ICE1: variants seen among roughly 807,000 people sequenced by gnomAD.
ICE1 encodes the protein interactor of little elongation complex ELL subunit 1.
ICE1 carries 64 observed loss-of-function variants against 192.7 expected under a neutral mutation model. The observed-to-expected ratio is 0.33, with a 90% CI of 0.27 to 0.41. The LOEUF (loss-of-function observed/expected upper bound fraction) is 0.41. Among genes scored for constraint, ICE1 ranks in the 10% least tolerant of loss-of-function variants. ICE1 has a pLI of 1.00. For synonymous variants in ICE1, 1,010 were observed against 984.5 expected (o/e 1.03, Z -0.49); for missense variants, 2,708 against 2,696.0 (o/e 1.00, Z -0.10).
chr5:5,466,317 T>A lies in ICE1; in HGVS notation c.5893-17T>A. Reference sequence around the variant, plus strand: ...GTATGAGTGTACATTGCCTTTTTAATTTTTTTTTCAATCCAGCATTTAGCA... The same window carrying A: ...GTATGAGTGTACATTGCCTTTTTAAATTTTTTTTCAATCCAGCATTTAGCA... On this transcript the variant is annotated splice_polypyrimidine_tract_variant and intron_variant, in intron 13 of 18. Coordinates refer to ENST00000296564, the MANE Select transcript of ICE1 (RefSeq NM_015325.3). 6.5e-7 allele frequency: 1 copy of A among 1,538,912 alleles called. No homozygotes were observed.
Position 5,466,485 on chromosome 5 carries a change from A to G in ICE1, c.6044A>G (p.Tyr2015Cys), listed in dbSNP as rs1419729959. The part of the protein sequence containing the change: ...GDLERARLFC[Y>C]SLLKEDFPES... Reference sequence around the variant, plus strand: ...TTGGAAAGAGCTCGTTTGTTTTGCTACAGCCTACTTAAAGAAGGTATGCTT... The same window carrying G: ...TTGGAAAGAGCTCGTTTGTTTTGCTGCAGCCTACTTAAAGAAGGTATGCTT... Residue 2015 changes from tyrosine (Y) to cysteine (C), a missense_variant, in exon 14 of 19, where the codon TAC (tyrosine) becomes TGC (cysteine). Coordinates refer to ENST00000296564, the MANE Select transcript of ICE1 (RefSeq NM_015325.3). The G allele has an allele frequency of 1.2e-6, 2 of 1,608,046 alleles. No homozygotes were observed. Among genetic ancestry groups the G allele is most frequent in the Non-Finnish European group, 1.7e-6 (2 of 1,178,308 alleles).
chr5:5,439,556 G>T (rs1158017255), intron 3 of ICE1, among the ~76,000 whole-genome samples: 2 of 152,152 alleles, frequency 1.3e-5, no homozygotes, highest in Non-Finnish European at 2.9e-5. Flanking sequence ...AGGACAGGTT[G>T]TTTGGGGATT....
Position 5,464,381 on chromosome 5 carries a change from C to G in ICE1, c.5047C>G (p.Pro1683Ala), listed in dbSNP as rs752635579. 2 of 1,613,836 alleles carry G rather than the reference C, an allele frequency of 1.2e-6. No individual in the cohort carries two copies. The highest frequency in any genetic ancestry group is 1.7e-6 in the Non-Finnish European group (2 of 1,179,838). Residue 1683 changes from proline (P) to alanine (A), a missense_variant, in exon 13 of 19, where the codon CCA (proline) becomes GCA (alanine). This residue lies in a region of ICE1 where 2,366 missense variants were observed against 2,276.6 expected (regional missense o/e 1.04). Coordinates refer to ENST00000296564, the MANE Select transcript of ICE1 (RefSeq NM_015325.3). This position sits in a 1 kb window ranked among gnomAD's most constrained non-coding sequence, Gnocchi z 4.0. ...RETPVPPAMS[P>A]WPEDPRRASP... is the part of the protein sequence containing the mutation. ...AACCCCAGTGCCTCCTGCCATGTCT[C>G]CATGGCCAGAGGACCCCAGACGTGC...
At position 5,422,968 on chromosome 5, in the gene ICE1, C is replaced by T; in HGVS notation, c.53C>T (p.Ser18Leu). Reference protein sequence around the residue: ...SAAPGTAADLSRCQGCASLQQ... With the variant: ...SAAPGTAADLLRCQGCASLQQ... Reference sequence around the variant, plus strand: ...GCGCCCGGGACGGCGGCGGACCTGTCGCGATGTCAGGGCTGCGCCTCTCTG... The same window carrying T: ...GCGCCCGGGACGGCGGCGGACCTGTTGCGATGTCAGGGCTGCGCCTCTCTG... Residue 18 changes from serine to leucine, a missense_variant, in exon 1 of 19, where the codon TCG (serine) becomes TTG (leucine). Transcript: ENST00000296564. 2 of 1,455,540 alleles carry T rather than the reference C, an allele frequency of 1.4e-6. No individual in the cohort carries two copies. The highest frequency in any genetic ancestry group is 1.8e-6 in the Non-Finnish European group (2 of 1,106,372). The allele number at this position is 1,455,540 out of a possible 1,614,324, so 90.2% of individuals were successfully genotyped here. A position where few individuals can be genotyped will look rare whatever the true frequency, so the allele number is the denominator to read the frequency against.
At chr5:5,430,824 T>C (rs1013206268) in intron 1 of ICE1, among the ~76,000 whole-genome samples, 1 of 152,254 alleles carries the variant, frequency 6.6e-6, no homozygotes, top group Non-Finnish European at 1.5e-5. Flanking sequence ...CTGTGGTGTT[T>C]TCTGCATGGT....
intron 17 of ICE1, among the ~76,000 whole-genome samples, chr5:5,484,353 C>T (rs184545806): frequency 1.3e-5 from 2 of 152,324 alleles, no homozygotes; most frequent in South Asian, 2.1e-4. Flanking sequence ...AACGCATGCA[C>T]ATCCCATGAT....
At chr5:5,431,818 C>G (rs2111334295) in intron 1 of ICE1, among the ~76,000 whole-genome samples, 1 of 152,008 alleles carries the variant, frequency 6.6e-6, no homozygotes, top group African/African-American at 2.4e-5. Context: ...CTTCTGGGAA[C>G]TTTTCTTGAA....
In ICE1 at chr5:5,462,372, G is replaced by A. The variant is rs1463799394; in HGVS notation, c.3038G>A (p.Gly1013Glu). The change falls in exon 13 of 19, where the codon GGG (glycine) becomes GAG (glutamate). Residue 1013 changes from glycine (G) to glutamate (E), a missense_variant. This residue lies in a region of ICE1 where 2,366 missense variants were observed against 2,276.6 expected (regional missense o/e 1.04). Coordinates refer to ENST00000296564, the MANE Select transcript of ICE1 (RefSeq NM_015325.3). ...LPATEVTVSGGFSVEETSCGD... is the reference protein window; with the variant it reads ...LPATEVTVSGEFSVEETSCGD... ...GCCACAGAAGTGACTGTGTCAGGAGGGTTTTCTGTTGAAGAAACCAGCTGT... is the reference window on the plus strand; with the variant it reads ...GCCACAGAAGTGACTGTGTCAGGAGAGTTTTCTGTTGAAGAAACCAGCTGT... 1 of 1,613,994 alleles carries A rather than the reference G, an allele frequency of 6.2e-7. No individual in the cohort carries two copies. The highest frequency in any genetic ancestry group is 1.7e-5 in the Admixed American group (1 of 60,020).
Position 5,490,013 on chromosome 5 carries a change from G to T in ICE1, c.*683G>T, listed in dbSNP as rs990779326. On this transcript the variant is annotated 3_prime_UTR_variant, in exon 19 of 19. Transcript: ENST00000296564. Reference sequence around the variant, plus strand: ...GACATGTAATGAGCAATTCACAGATGAGCGCAGGCAGAGCTCTGTGTGCCG... The same window carrying T: ...GACATGTAATGAGCAATTCACAGATTAGCGCAGGCAGAGCTCTGTGTGCCG... The T allele has an allele frequency of 6.6e-6, 1 of 152,204 alleles. No individual in the cohort carries two copies. Among genetic ancestry groups the T allele is most frequent in the African/African-American group, 2.4e-5 (1 of 41,438 alleles). The allele number at this position is 152,204 out of a possible 1,614,324, so 9.4% of individuals were successfully genotyped here.
chr5:5,449,707 G>C (rs1173312122), intron 10 of ICE1, among the ~76,000 whole-genome samples: 1 of 152,190 alleles, frequency 6.6e-6, no homozygotes, highest in Non-Finnish European at 1.5e-5. Flanking sequence ...TGATTAAAGG[G>C]TGAAAGGAAT....
At chr5:5,424,764 A>G (rs150629952) in intron 1 of ICE1, among the ~76,000 whole-genome samples, 177 of 152,320 alleles carry the variant, frequency 1.2e-3, no homozygotes, top group African/African-American at 4.0e-3. Context: ...AAATCTTGGA[A>G]GAAAAGTCTC....
rs113598300 is a variant in ICE1 at position 5,452,577 on chromosome 5, A to T, written c.605-1975A>T. Among the ~76,000 whole-genome samples the T allele has an allele frequency of 3.3e-3, 502 of 152,250 alleles. 2 individuals are homozygous for T. Among genetic ancestry groups the T allele is most frequent in the African/African-American group, 0.011 (474 of 41,560 alleles). ...GGATGAGAAGATTCAAAGCATAAAGATGTAAAATTTCCCCAAATGTATTTA... is the reference window on the plus strand; with the variant it reads ...GGATGAGAAGATTCAAAGCATAAAGTTGTAAAATTTCCCCAAATGTATTTA... On this transcript the variant is annotated intron_variant, in intron 10 of 18. Coordinates refer to ENST00000296564, the MANE Select transcript of ICE1 (RefSeq NM_015325.3).
rs759980941 is a variant in ICE1, at chr5:5,465,002, T to C, written c.5668T>C (p.Ser1890Pro). 5 of 1,613,904 alleles carry C rather than the reference T, an allele frequency of 3.1e-6. No homozygotes were observed. In the Admixed American group the frequency reaches 5.0e-5, roughly 16 times the overall value. ...VATTNEERSCSSPAVSAVSQL... is the reference protein window; with the variant it reads ...VATTNEERSCPSPAVSAVSQL... ...AACAACAAATGAGGAAAGAAGTTGT[T>C]CTAGTCCAGCCGTCAGTGCAGTTTC... Residue 1890 changes from serine (S) to proline (P), a missense_variant, in exon 13 of 19, where the codon TCT becomes CCT. Physicochemically the swap from Ser to Pro is moderately conservative, Grantham distance 74 (BLOSUM62 -1). Coordinates refer to ENST00000296564, the MANE Select transcript of ICE1 (RefSeq NM_015325.3).
At position 5,451,358 on chromosome 5, in the gene ICE1, G is replaced by GA. The variant is rs1020563513; in HGVS notation, c.605-3188dup. 2.6e-5 allele frequency among the ~76,000 whole-genome samples: 4 copies of GA among 152,038 alleles called. No individual in the cohort carries two copies. The East Asian group carries it at 7.7e-4, about 29-fold the overall frequency. ...CGGAGAATGAAGTGTTTAACTGAAA[G>GA]AAAAAATTGATGAAAATGCAAACTT... On this transcript the variant is annotated intron_variant, in intron 10 of 18. Coordinates refer to ENST00000296564, the MANE Select transcript of ICE1 (RefSeq NM_015325.3).
chr5:5,457,658 C>A lies in ICE1; in HGVS notation c.1018C>A (p.Pro340Thr). ...LQAAIDFFKL[P>T]PPLLSPVPSP... ...AGCTGCAATTGACTTCTTCAAACTT[C>A]CCCCTCCTCTTCTGTCACCAGTGCC... is the stretch of plus-strand genomic sequence containing the variant. Residue 340 changes from proline (P) to threonine (T), a missense_variant, in exon 12 of 19, where the codon CCC becomes ACC. Physicochemically the swap from Pro to Thr is conservative, Grantham distance 38. Around this residue, in one of 2 missense-constraint regions of ICE1, gnomAD observed 2,366 missense variants for 2,276.6 expected, o/e 1.04. Transcript: ENST00000296564. 1.2e-6 allele frequency: 2 copies of A among 1,613,792 alleles called. No individual in the cohort carries two copies.
Position 5,489,326 on chromosome 5 carries a change from G to A in ICE1, c.6797G>A (p.Gly2266Asp). ...EVSALSTEELG is the reference protein window; with the variant it reads ...EVSALSTEELD The stretch of plus-strand genomic sequence containing the variant: ...AGTGCCCTGAGCACAGAGGAGCTTG[G>A]CTGACCTGGGATGCCACTGAGGCTT... Residue 2266 changes from glycine (G) to aspartate (D), a missense_variant, in exon 19 of 19, where the codon GGC becomes GAC. Gly to Asp is a moderately conservative substitution (Grantham distance 94). Around this residue, in one of 2 missense-constraint regions of ICE1, gnomAD observed 342 missense variants for 419.3 expected, o/e 0.82. Transcript: ENST00000296564. 6.2e-7 allele frequency: 1 copy of A among 1,605,428 alleles called. No homozygotes were observed. Among genetic ancestry groups the A allele is most frequent in the Non-Finnish European group, 8.5e-7 (1 of 1,176,420 alleles).
chr5:5,489,499 G>A lies in ICE1; in HGVS notation c.*169G>A. The A allele has an allele frequency of 5.3e-6, 3 of 571,356 alleles. No individual in the cohort carries two copies. Among genetic ancestry groups the A allele is most frequent in the Non-Finnish European group, 8.8e-6 (3 of 339,966 alleles). 35.4% of individuals were successfully genotyped at this position (571,356 alleles called of 1,614,324 possible). A position where few individuals can be genotyped will look rare whatever the true frequency, so the allele number is the denominator to read the frequency against. On this transcript the variant is annotated 3_prime_UTR_variant, in exon 19 of 19. Coordinates refer to ENST00000296564, the MANE Select transcript of ICE1 (RefSeq NM_015325.3). ...GGCAAGGAGACAGGAGAAACAAGCA[G>A]TCGCATAGTCGTTTTTCCCTAAATC...
At chr5:5,439,750 C>A in intron 3 of ICE1, 145 bp from the exon 4 acceptor site, 1 of 496,216 alleles carries the variant, frequency 2.0e-6, no homozygotes, top group Non-Finnish European at 3.6e-6. Flanking sequence ...TTTTAGATTG[C>A]ATTTTGAATA....
chr5:5,431,315 G>C (rs1417275303), intron 1 of ICE1, among the ~76,000 whole-genome samples: 1 of 152,138 alleles, frequency 6.6e-6, no homozygotes, highest in Non-Finnish European at 1.5e-5. Context: ...TCCCTTGCAA[G>C]TCTCTGCCAG....
Sources: allele counts gnomAD v4.1 joint callset (sites outside exome capture counted in the v4.1 genomes callset), GRCh38; gene constraint gnomAD v4.1.1; regional missense constraint gnomAD v4.1.1; non-coding constraint Gnocchi (gnomAD v3.1); transcripts MANE v1.5; gene names NCBI Gene and HGNC (gene_info 2026-07-23, HGNC 2026-07-21).